KANK1: variants seen among roughly 807,000 people sequenced by gnomAD.
KANK1 encodes the protein KN motif and ankyrin repeat domain-containing protein 1.
KANK1 carries 109 observed loss-of-function variants against 106.2 expected under a neutral mutation model. That is an observed-to-expected ratio of 1.03 (90% CI 0.88 to 1.20). The LOEUF is 1.20. KANK1 is among the 50% of genes most tolerant of loss of function. The pLI, the probability that KANK1 is intolerant of heterozygous loss-of-function variation, is 0.00. For missense variants in KANK1, 2,399 were observed against 1,710.7 expected (o/e 1.40, Z -7.10); for synonymous variants, 873 against 652.2 (o/e 1.34, Z -5.16).
In KANK1 at chr9:520,947, GT is replaced by G. The variant is rs1021775739; in HGVS notation, c.-84+16197del. 2.3e-3 allele frequency among the ~76,000 whole-genome samples: 352 copies of G among 151,790 alleles called. 12 individuals are homozygous for G. The highest frequency in any genetic ancestry group is 8.4e-3 in the African/African-American group (346 of 41,140). On this transcript the variant is annotated intron_variant, in intron 1 of 11. Transcript: ENST00000382297. ...TTGTTTAATTGCCTGATTTAATATG[GT>G]TTTGGCAGCCAATTAACAGTGGATG...
chr9:619,860 G>C (rs1319426543), intron 1 of KANK1, among the ~76,000 whole-genome samples: 1 of 151,976 alleles, frequency 6.6e-6, no homozygotes, highest in Non-Finnish European at 1.5e-5. Flanking sequence ...GTTGTGGCTG[G>C]GTGCAGTGAC....
intron 1 of KANK1, among the ~76,000 whole-genome samples, chr9:626,235 A>G (rs533192035): frequency 6.6e-6 from 1 of 152,268 alleles, no homozygotes; most frequent in East Asian, 1.9e-4. Context: ...AGGCCGAGGC[A>G]GGCAGATCAT....
At chr9:685,054 C>G (rs906693679) in intron 2 of KANK1, among the ~76,000 whole-genome samples, 1 of 152,100 alleles carries the variant, frequency 6.6e-6, no homozygotes, top group Non-Finnish European at 1.5e-5. Context: ...TTTTTCCTTC[C>G]TTGGCTTCTC....
chr9:657,825 TA>T (rs1432646561), intron 1 of KANK1, among the ~76,000 whole-genome samples: 1 of 152,094 alleles, frequency 6.6e-6, no homozygotes, highest in Non-Finnish European at 1.5e-5. Flanking sequence ...ATGTTCTTAA[TA>T]AAACACAAGA....
intron 4 of KANK1, chr9:730,848 T>C (rs1832045125): frequency 4.6e-6 from 1 of 219,504 alleles, no homozygotes; most frequent in Non-Finnish European, 9.0e-6. Context: ...ACGTAAATGG[T>C]CCTTGAGGCT....
At position 526,774 on chromosome 9, in the gene KANK1, T is replaced by C. The variant is rs2059811844; in HGVS notation, c.-84+22020T>C. ...TGCTGATATTTGACTGCTTTAGATC[T>C]GTGAAAATGACTGTATCTTGAGAAA... On this transcript the variant is annotated intron_variant, in intron 1 of 11. Coordinates refer to ENST00000382297, the MANE Select transcript of KANK1 (RefSeq NM_015158.5). Among the ~76,000 whole-genome samples, 16 of 151,820 alleles carry C rather than the reference T, an allele frequency of 1.1e-4. No individual in the cohort carries two copies. The South Asian group carries it at 3.3e-3, about 31-fold the overall frequency.
At chr9:535,727 A>G (rs2060268612) in intron 1 of KANK1, among the ~76,000 whole-genome samples, 2 of 152,164 alleles carry the variant, frequency 1.3e-5, no homozygotes, top group South Asian at 2.1e-4. Context: ...GAATCATGGT[A>G]TTTGTGATTT....
chr9:738,054 A>T lies in KANK1; in HGVS notation c.3334-231A>T, dbSNP rs192731222. On this transcript the variant is annotated intron_variant, in intron 7 of 11. Transcript: ENST00000382297. The stretch of plus-strand genomic sequence containing the variant: ...CTGGCTCCAGAGCCTCTGCTTCTGC[A>T]TGGTGCTGTCTGGTCTCCTTTATAG... Among the ~76,000 whole-genome samples, 23 of 152,320 alleles carry T rather than the reference A, an allele frequency of 1.5e-4. No homozygotes were observed. In the East Asian group the frequency reaches 4.1e-3, roughly 27 times the overall value.
intron 3 of KANK1, among the ~76,000 whole-genome samples, chr9:498,624 A>G (rs1037986708): frequency 6.6e-6 from 1 of 152,264 alleles, no homozygotes; most frequent in Non-Finnish European, 1.5e-5. Context: ...ACAATAGACA[A>G]AAGATGTGAA....
chr9:535,673 G>C (rs2060265458), intron 1 of KANK1, among the ~76,000 whole-genome samples: 1 of 152,182 alleles, frequency 6.6e-6, no homozygotes, highest in Non-Finnish European at 1.5e-5. Context: ...GCCCGCCTTG[G>C]AGCTCCACTT....
Position 603,965 on chromosome 9 carries a change from A to G in KANK1, c.-83-72925A>G, listed in dbSNP as rs186352621. Among the ~76,000 whole-genome samples the G allele has an allele frequency of 4.8e-3, 720 of 151,086 alleles. 29 individuals are homozygous for G. The highest frequency in any genetic ancestry group is 0.016 in the African/African-American group (672 of 40,870). Reference sequence around the variant, plus strand: ...CAGAGCAAGACTCTGTCTCAAAAAAAAAAAAAAAAAAGTAAAATTATTTTG... The same window carrying G: ...CAGAGCAAGACTCTGTCTCAAAAAAGAAAAAAAAAAAGTAAAATTATTTTG... On this transcript the variant is annotated intron_variant, in intron 1 of 11. Transcript: ENST00000382297.
At chr9:643,918 G>C (rs1222734807) in intron 1 of KANK1, among the ~76,000 whole-genome samples, 1 of 150,792 alleles carries the variant, frequency 6.6e-6, no homozygotes, top group African/African-American at 2.5e-5. Flanking sequence ...GCCCAGGCTG[G>C]TCTCGAACTC....
intron 1 of KANK1, among the ~76,000 whole-genome samples, chr9:634,442 A>G (rs1209361876): frequency 1.3e-5 from 2 of 152,176 alleles, no homozygotes; most frequent in Non-Finnish European, 2.9e-5. Flanking sequence ...CTTAGGTTCT[A>G]TAGTAGTGAT....
intron 1 of KANK1, among the ~76,000 whole-genome samples, chr9:600,778 G>C (rs938890507): frequency 5.9e-5 from 9 of 151,862 alleles, no homozygotes; most frequent in Non-Finnish European, 1.0e-4. Flanking sequence ...CTTGTTGACA[G>C]ATTCTGTGAA....
At chr9:622,532 A>G (rs977327619) in intron 1 of KANK1, among the ~76,000 whole-genome samples, 6 of 152,156 alleles carry the variant, frequency 3.9e-5, no homozygotes, top group Admixed American at 1.3e-4. Context: ...TGTTGGGAAA[A>G]CTGGATATCC....
At chr9:543,427 CG>C (rs2060730880) in intron 1 of KANK1, among the ~76,000 whole-genome samples, 1 of 151,742 alleles carries the variant, frequency 6.6e-6, no homozygotes, top group African/African-American at 2.4e-5. Flanking sequence ...TGCATGGTAA[CG>C]GGCGCTTGTT....
intron 1 of KANK1, among the ~76,000 whole-genome samples, chr9:513,977 G>A (rs983598399): frequency 3.3e-5 from 5 of 151,892 alleles, no homozygotes; most frequent in African/African-American, 9.7e-5. Context: ...AAATCACGCC[G>A]CTGCATTCCA....
At chr9:637,499 A>T (rs1837425237) in intron 1 of KANK1, among the ~76,000 whole-genome samples, 1 of 152,164 alleles carries the variant, frequency 6.6e-6, no homozygotes, top group Admixed American at 6.5e-5. Flanking sequence ...TGGGGTACTT[A>T]ACTCAAGTAC....
intron 1 of KANK1, among the ~76,000 whole-genome samples, chr9:565,478 G>C (rs1191272532): frequency 6.6e-6 from 1 of 152,220 alleles, no homozygotes; most frequent in African/African-American, 2.4e-5. Context: ...CGAAGAGGTG[G>C]CTAGCCGCAT....
Sources: gnomAD v4.1 joint callset for allele counts (sites outside exome capture counted in the v4.1 genomes callset) on GRCh38, gnomAD v4.1.1 for gene constraint, MANE v1.5 for transcripts, NCBI Gene and HGNC (gene_info 2026-07-23, HGNC 2026-07-21) for gene names.